KDM4A: variants seen among roughly 807,000 people sequenced by gnomAD.
KDM4A encodes lysine-specific demethylase 4A.
KDM4A carries 23 observed loss-of-function variants against 127.1 expected under a neutral mutation model. The observed-to-expected ratio is 0.18, with a 90% CI of 0.13 to 0.26. KDM4A has a LOEUF of 0.26. Ranked by LOEUF, KDM4A falls within the 10% of genes least tolerant of loss-of-function variation. KDM4A has a pLI of 1.00. For synonymous variants in KDM4A, 443 were observed against 466.5 expected (o/e 0.95, Z 0.65); for missense variants, 890 against 1,329.1 (o/e 0.67, Z 5.14).
intron 5 of KDM4A, among the ~76,000 whole-genome samples, chr1:43,665,332 T>C (rs517619): frequency 0.033 from 5,070 of 152,252 alleles, 289 homozygotes; most frequent in African/African-American, 0.12. Flanking sequence ...ATACTGAGCA[T>C]TTTTAAATAC....
At chr1:43,703,167 C>T (rs1420074191) in intron 19 of KDM4A, among the ~76,000 whole-genome samples, 1 of 151,978 alleles carries the variant, frequency 6.6e-6, no homozygotes, top group Non-Finnish European at 1.5e-5. Flanking sequence ...TGGTCTTGAT[C>T]TCCTGACCTG....
intron 10 of KDM4A, among the ~76,000 whole-genome samples, chr1:43,669,814 A>C (rs1346595245): frequency 2.0e-5 from 3 of 151,932 alleles, no homozygotes; most frequent in African/African-American, 7.3e-5. Context: ...ATGCCTGGCT[A>C]ATTTTTTTTT....
chr1:43,684,808 G>C (rs563942713), intron 12 of KDM4A, among the ~76,000 whole-genome samples: 1 of 152,346 alleles, frequency 6.6e-6, no homozygotes, highest in East Asian at 1.9e-4. Flanking sequence ...GCATCTTGAG[G>C]ATGGCTTTGA....
chr1:43,687,582 C>G (rs1661016383), intron 12 of KDM4A, among the ~76,000 whole-genome samples: 2 of 152,224 alleles, frequency 1.3e-5, no homozygotes, highest in African/African-American at 4.8e-5. Flanking sequence ...AGCTTCATAC[C>G]TCCCTCACAT....
intron 11 of KDM4A, among the ~76,000 whole-genome samples, chr1:43,674,100 T>G (rs1190499904): frequency 6.6e-6 from 1 of 152,030 alleles, no homozygotes; most frequent in Non-Finnish European, 1.5e-5. Context: ...ACACCACCAC[T>G]CTTGGCCAAT....
chr1:43,668,077 T>C (rs1660538696), intron 9 of KDM4A, 58 bp downstream of exon 9: 1 of 1,595,394 alleles, frequency 6.3e-7, no homozygotes. Flanking sequence ...GGGTAGGTCC[T>C]GTAATCTGTG....
Position 43,694,734 on chromosome 1 carries a change from G to A in KDM4A, c.2510G>A (p.Arg837Lys), listed in dbSNP as rs766819559. 9.9e-6 allele frequency: 16 copies of A among 1,612,398 alleles called. No homozygotes were observed. The highest frequency in any genetic ancestry group is 1.3e-5 in the Non-Finnish European group (15 of 1,178,580). The change falls in exon 18 of 22, where the codon AGG becomes AAG. Residue 837 changes from arginine to lysine, a missense_variant. Arg to Lys is a conservative substitution (Grantham distance 26, BLOSUM62 2). Around this residue, in one of 7 missense-constraint regions of KDM4A, gnomAD observed 246 missense variants for 418.4 expected, o/e 0.59. Transcript: ENST00000372396. The surrounding 1 kb of genome is among the most constrained non-coding windows in gnomAD (Gnocchi z 5.2). ...AAATGTATCTTCTGTAAGAAGCGGA[G>A]GAAAAGAACTGCTGGCTGCTGTGTG... ...KLKCIFCKKR[R>K]KRTAGCCVQC...
At chr1:43,673,071 G>T (rs1660663238) in intron 11 of KDM4A, among the ~76,000 whole-genome samples, 1 of 151,920 alleles carries the variant, frequency 6.6e-6, no homozygotes, top group Non-Finnish European at 1.5e-5. Context: ...TTAAATACAT[G>T]TTGTCACCAA....
intron 15 of KDM4A, among the ~76,000 whole-genome samples, chr1:43,691,837 G>T (rs1445948004): frequency 3.3e-5 from 5 of 152,134 alleles, no homozygotes; most frequent in African/African-American, 9.7e-5. Flanking sequence ...TCCCTTAAAA[G>T]AATTTAGCCA....
At chr1:43,652,209 T>C (rs906925532) in intron 1 of KDM4A, among the ~76,000 whole-genome samples, 1 of 152,182 alleles carries the variant, frequency 6.6e-6, no homozygotes. Context: ...CAAGTTGTAG[T>C]GTATTCTGTT....
At chr1:43,697,257 T>A (rs1441007011) in intron 18 of KDM4A, among the ~76,000 whole-genome samples, 1 of 152,158 alleles carries the variant, frequency 6.6e-6, no homozygotes, top group Non-Finnish European at 1.5e-5. Context: ...AATGAGGCCG[T>A]CACATACTTT....
At chr1:43,664,228 G>A (rs942439578) in intron 5 of KDM4A, among the ~76,000 whole-genome samples, 5 of 152,292 alleles carry the variant, frequency 3.3e-5, no homozygotes, top group African/African-American at 1.2e-4. Context: ...TGAGGGAAGT[G>A]TATCCAGGCA....
In KDM4A at chr1:43,660,364, C is replaced by A. The variant is rs762616511; in HGVS notation, c.381C>A (p.Phe127Leu). 6.2e-7 allele frequency: 1 copy of A among 1,612,586 alleles called. No homozygotes were observed. The highest frequency in any genetic ancestry group is 1.3e-5 in the African/African-American group (1 of 74,912). ...LERKYWKNLTFNPPIYGADVN... is the reference protein window; with the variant it reads ...LERKYWKNLTLNPPIYGADVN... ...GGAAATACTGGAAAAATCTTACATT[C>A]AATCCTCCAATCTATGGTGCAGATG... is the stretch of plus-strand genomic sequence containing the variant. The change falls in exon 4 of 22, where the codon TTC becomes TTA. Residue 127 changes from phenylalanine to leucine, a missense_variant. Physicochemically the swap from Phe to Leu is conservative, Grantham distance 22 (BLOSUM62 0). Transcript: ENST00000372396.
intron 4 of KDM4A, among the ~76,000 whole-genome samples, chr1:43,660,754 A>G (rs1660355301): frequency 6.6e-6 from 1 of 152,154 alleles, no homozygotes; most frequent in Non-Finnish European, 1.5e-5. Context: ...AAGATGACTG[A>G]CTAATCTAAT....
chr1:43,682,564 C>G (rs1192369754), intron 11 of KDM4A, among the ~76,000 whole-genome samples: 2 of 152,340 alleles, frequency 1.3e-5, no homozygotes, highest in South Asian at 4.1e-4. Context: ...CTTCTCTACA[C>G]CTTCTTCTTT....
chr1:43,686,693 T>C (rs757063146), intron 12 of KDM4A, among the ~76,000 whole-genome samples: 4 of 152,200 alleles, frequency 2.6e-5, no homozygotes, highest in Non-Finnish European at 5.9e-5. Context: ...GTCCCAAGAA[T>C]GTGTTTTATA....
intron 11 of KDM4A, among the ~76,000 whole-genome samples, chr1:43,677,305 A>G (rs1660763310): frequency 6.7e-6 from 1 of 148,342 alleles, no homozygotes; most frequent in Non-Finnish European, 1.5e-5. Flanking sequence ...GGATCTTGCC[A>G]TTGCACTCCA....
chr1:43,686,028 T>C (rs1408674669), intron 12 of KDM4A, among the ~76,000 whole-genome samples: 2 of 152,196 alleles, frequency 1.3e-5, no homozygotes, highest in Non-Finnish European at 2.9e-5. Context: ...ATTTTGAATA[T>C]ATTAACATAT....
At chr1:43,697,040 G>A (rs1267989467) in intron 18 of KDM4A, among the ~76,000 whole-genome samples, 1 of 152,256 alleles carries the variant, frequency 6.6e-6, no homozygotes, top group Non-Finnish European at 1.5e-5. Context: ...GGGAATGGAA[G>A]ATGAAGTAGT....
Sources: allele counts gnomAD v4.1 joint callset (sites outside exome capture counted in the v4.1 genomes callset), GRCh38; gene constraint gnomAD v4.1.1; regional missense constraint gnomAD v4.1.1; non-coding constraint Gnocchi (gnomAD v3.1); transcripts MANE v1.5; gene names NCBI Gene and HGNC (gene_info 2026-07-23, HGNC 2026-07-21).